Variants in GUCY2D observed in about 807,000 individuals in gnomAD.
The protein encoded by GUCY2D is retinal guanylyl cyclase 1.
A neutral mutation model predicts 101.3 loss-of-function variants in GUCY2D; 70 were observed. The observed-to-expected ratio is 0.69, with a 90% CI of 0.57 to 0.84. The LOEUF (loss-of-function observed/expected upper bound fraction) is 0.84, where lower values mean the gene tolerates loss of function less well. Ranked by LOEUF, GUCY2D falls within the 40% of genes least tolerant of loss-of-function variation. GUCY2D has a pLI of 0.00. For synonymous variants in GUCY2D, 688 were observed against 670.7 expected (o/e 1.03, Z -0.40); for missense variants, 1,460 against 1,542.5 (o/e 0.95, Z 0.90).
chr17:8,015,292 T>G, intron 14 of GUCY2D, 36 bp from the exon 15 acceptor site: 1 of 1,591,686 alleles, frequency 6.3e-7, no homozygotes, highest in Non-Finnish European at 8.5e-7. Context: ...GGGGGAATGC[T>G]CAAAAGAAAA....
At chr17:8,010,650 CA>C (rs1222829202) in intron 8 of GUCY2D, among the ~76,000 whole-genome samples, 2 of 151,094 alleles carry the variant, frequency 1.3e-5, no homozygotes, top group East Asian at 1.9e-4. Context: ...ACTAAAAATA[CA>C]AAAAAAATTA....
At chr17:8,019,267 G>C (rs1451561924) in intron 19 of GUCY2D, among the ~76,000 whole-genome samples, 1 of 151,988 alleles carries the variant, frequency 6.6e-6, no homozygotes, top group East Asian at 1.9e-4. Flanking sequence ...CTCTCTCCCT[G>C]CCTGCAAGGG....
chr17:8,003,535 C>G lies in GUCY2D; in HGVS notation c.488C>G (p.Pro163Arg). ...ACGCAGGCGGAGGGCACCACGGCCC[C>G]TGCCGTGACCCCCGCCGCGGATGCC... ...PWTQAEGTTA[P>R]AVTPAADALY... Residue 163 changes from proline (P) to arginine (R), a missense_variant, in exon 2 of 20, where the codon CCT (proline) becomes CGT (arginine). Around this residue, in one of 3 missense-constraint regions of GUCY2D, gnomAD observed 1,196 missense variants for 1,229.6 expected, o/e 0.97. Transcript: ENST00000254854. The G allele has an allele frequency of 6.5e-7, 1 of 1,546,872 alleles. No individual in the cohort carries two copies. Among genetic ancestry groups the G allele is most frequent in the Non-Finnish European group, 8.7e-7 (1 of 1,153,718 alleles).
chr17:8,014,630 G>C lies in GUCY2D; in HGVS notation c.2442G>C (p.Thr814=), dbSNP rs1426236694. The stretch of plus-strand genomic sequence containing the variant: ...AGAACATCAACAAGGGCCGGAAGAC[G>C]AACATCATTGACTCGATGCTTCGGA... ...LFKNINKGRK[T]NIIDSMLRML... is the part of the protein sequence containing the mutation. Residue 814 remains threonine (T), a synonymous_variant, in exon 13 of 20, where the codon ACG becomes ACC. Coordinates refer to ENST00000254854, the MANE Select transcript of GUCY2D (RefSeq NM_000180.4). This position sits in a 1 kb window ranked among gnomAD's most constrained non-coding sequence, Gnocchi z 4.0. 4 of 1,613,992 alleles carry C rather than the reference G, an allele frequency of 2.5e-6. No homozygotes were observed. Among genetic ancestry groups the C allele is most frequent in the Non-Finnish European group, 3.4e-6 (4 of 1,180,012 alleles).
Position 8,013,601 on chromosome 17 carries a change from C to T in GUCY2D, c.2264-279C>T, listed in dbSNP as rs1276645930. 1.7e-5 allele frequency: 10 copies of T among 579,768 alleles called. No individual in the cohort carries two copies. Among genetic ancestry groups the T allele is most frequent in the Non-Finnish European group, 3.1e-5 (10 of 324,424 alleles). The allele number at this position is 579,768 out of a possible 1,614,324, so 35.9% of individuals were successfully genotyped here. On this transcript the variant is annotated intron_variant, in intron 11 of 19. Coordinates refer to ENST00000254854, the MANE Select transcript of GUCY2D (RefSeq NM_000180.4). The surrounding 1 kb of genome is among the most constrained non-coding windows in gnomAD (Gnocchi z 5.0). Reference sequence around the variant, plus strand: ...TCTGCACAGGACTCTGAGCAAACTACTTGATCACCTATCCCTCACTTGTCT... The same window carrying T: ...TCTGCACAGGACTCTGAGCAAACTATTTGATCACCTATCCCTCACTTGTCT...
intron 14 of GUCY2D, 119 bp downstream of exon 14, chr17:8,015,170 C>T (rs1001190305): frequency 1.2e-5 from 13 of 1,105,948 alleles, no homozygotes; most frequent in Non-Finnish European, 1.3e-5. Flanking sequence ...TCCCAGACCT[C>T]CTGTCCCTTA....
Position 8,002,699 on chromosome 17 carries a change from A to T in GUCY2D, c.-45A>T. On this transcript the variant is annotated 5_prime_UTR_variant, in exon 1 of 20. Transcript: ENST00000254854. The surrounding 1 kb of genome is among the most constrained non-coding windows in gnomAD (Gnocchi z 4.9). ...AGGGGGACCGGCCCTGTGACCCCTC[A>T]CCGGGGGCCGTGGGCCCGAGCCCCC... The T allele has an allele frequency of 8.4e-6, 1 of 119,060 alleles. No homozygotes were observed. 7.4% of individuals were successfully genotyped at this position (119,060 alleles called of 1,614,324 possible). A position where few individuals can be genotyped will look rare whatever the true frequency, so the allele number is the denominator to read the frequency against.
rs888736161 is a variant in GUCY2D, at chr17:8,013,467, C to T, written c.2263+215C>T. ...TTAGGTCCCAGACCACAACAGCTTC[C>T]TCTTTCTTGATGCTGGAACCAAACT... On this transcript the variant is annotated intron_variant, in intron 11 of 19. Transcript: ENST00000254854. This position sits in a 1 kb window ranked among gnomAD's most constrained non-coding sequence, Gnocchi z 5.0. 4 of 608,478 alleles carry T rather than the reference C, an allele frequency of 6.6e-6. No homozygotes were observed. Among genetic ancestry groups the T allele is most frequent in the African/African-American group, 1.8e-5 (1 of 54,320 alleles). 37.7% of individuals were successfully genotyped at this position (608,478 alleles called of 1,614,324 possible). A position where few individuals can be genotyped will look rare whatever the true frequency, so the allele number is the denominator to read the frequency against.
rs777075412 is a variant in GUCY2D at position 8,015,782 on chromosome 17, G to A, written c.2984G>A (p.Arg995Gln). The change falls in exon 16 of 20, where the codon CGG (arginine) becomes CAG (glutamine). Residue 995 changes from arginine (R) to glutamine (Q), a missense_variant. Coordinates refer to ENST00000254854, the MANE Select transcript of GUCY2D (RefSeq NM_000180.4). Reference protein sequence around the residue: ...VAGVVGLTMPRYCLFGDTVNT... With the variant: ...VAGVVGLTMPQYCLFGDTVNT... ...GGCGTGGTGGGCCTCACCATGCCGC[G>A]GTACTGCCTGTTTGGGGACACGGTC... 3 of 1,612,372 alleles carry A rather than the reference G, an allele frequency of 1.9e-6. No homozygotes were observed. Among genetic ancestry groups the A allele is most frequent in the East Asian group, 4.5e-5 (2 of 44,788 alleles).
chr17:8,015,345 C>T lies in GUCY2D; in HGVS notation c.2787C>T (p.Asp929=), dbSNP rs746827007. ...HDVYKVETIG[D]AYMVASGLPQ... ...TCCCCCAGGTGGAGACAATAGGGGA[C>T]GCCTATATGGTGGCCTCGGGGCTGC... is the stretch of plus-strand genomic sequence containing the variant. The change falls in exon 15 of 20, where the codon GAC becomes GAT. Residue 929 remains aspartate, a synonymous_variant. Transcript: ENST00000254854. The T allele has an allele frequency of 6.2e-6, 10 of 1,607,934 alleles. No individual in the cohort carries two copies. In the South Asian group the frequency reaches 1.1e-4, roughly 18 times the overall value.
intron 3 of GUCY2D, among the ~76,000 whole-genome samples, chr17:8,005,824 A>T (rs1191727694): frequency 6.6e-6 from 1 of 152,242 alleles, no homozygotes; most frequent in Admixed American, 6.5e-5. Context: ...AACTGGGAAT[A>T]ATAGAGAAGC....
At chr17:8,005,621 C>T (rs914131668) in intron 3 of GUCY2D, among the ~76,000 whole-genome samples, 1 of 152,238 alleles carries the variant, frequency 6.6e-6, no homozygotes, top group Non-Finnish European at 1.5e-5. Context: ...AGCTCCTTCT[C>T]TGTCCACAGC....
intron 14 of GUCY2D, 116 bp downstream of exon 14, chr17:8,015,167 C>T (rs190283426): frequency 9.1e-7 from 1 of 1,098,734 alleles, no homozygotes; most frequent in Non-Finnish European, 1.4e-6. Flanking sequence ...CTTTCCCAGA[C>T]CTCCTGTCCC....
Position 8,011,130 on chromosome 17 carries a change from G to A in GUCY2D, c.1750-1014G>A, listed in dbSNP as rs1975843820. 1.3e-5 allele frequency among the ~76,000 whole-genome samples: 2 copies of A among 152,160 alleles called. No homozygotes were observed. Among genetic ancestry groups the A allele is most frequent in the Admixed American group, 1.3e-4 (2 of 15,278 alleles). ...ACCGTGGCTCACGCCTGTAATCCCA[G>A]CACTTTGGGAGGCTGAGGTGGATGG... On this transcript the variant is annotated intron_variant, in intron 8 of 19. Transcript: ENST00000254854. The surrounding 1 kb of genome is among the most constrained non-coding windows in gnomAD (Gnocchi z 4.3).
At chr17:8,004,531 C>T (rs539723740) in intron 3 of GUCY2D, among the ~76,000 whole-genome samples, 1 of 152,276 alleles carries the variant, frequency 6.6e-6, no homozygotes, top group African/African-American at 2.4e-5. Context: ...ACCTTCATCC[C>T]TAGTTCAGAG....
chr17:8,012,424 C>T, intron 9 of GUCY2D, 26 bp from the exon 10 acceptor site: 1 of 1,613,642 alleles, frequency 6.2e-7, no homozygotes, highest in Non-Finnish European at 8.5e-7. Context: ...CAGGCTGAGG[C>T]TGCCTCTTAC....
In GUCY2D at chr17:8,003,970, G is replaced by A. The variant is rs370291650; in HGVS notation, c.840G>A (p.Thr280=). Residue 280 remains threonine (T), a synonymous_variant, in exon 3 of 20, where the codon ACG becomes ACA. Coordinates refer to ENST00000254854, the MANE Select transcript of GUCY2D (RefSeq NM_000180.4). The part of the protein sequence containing the change: ...DGSLVFLPFD[T]IHYALSPGPE... ...CCCTGGTCTTCCTGCCCTTCGACAC[G>A]ATCCACTACGCCTTGTCCCCAGGCC... The A allele has an allele frequency of 2.5e-6, 4 of 1,613,602 alleles. No individual in the cohort carries two copies. Among genetic ancestry groups the A allele is most frequent in the Non-Finnish European group, 3.4e-6 (4 of 1,179,920 alleles).
intron 8 of GUCY2D, 21 bp from the exon 9 acceptor site, chr17:8,012,123 A>C: frequency 1.3e-6 from 2 of 1,584,570 alleles, no homozygotes; most frequent in Non-Finnish European, 1.7e-6. Context: ...AGAAAATGCA[A>C]GTCAACTCTC....
chr17:8,006,253 T>G (rs1975734964), intron 3 of GUCY2D, 110 bp from the exon 4 acceptor site: 2 of 813,234 alleles, frequency 2.5e-6, no homozygotes, highest in Non-Finnish European at 4.2e-6. Flanking sequence ...TGGGAACAAC[T>G]AACTGGAAGG....
Sources: gnomAD v4.1 joint callset for allele counts (sites outside exome capture counted in the v4.1 genomes callset) on GRCh38, gnomAD v4.1.1 for gene constraint, gnomAD v4.1.1 regional missense constraint, Gnocchi (gnomAD v3.1) non-coding constraint, MANE v1.5 for transcripts, NCBI Gene and HGNC (gene_info 2026-07-23, HGNC 2026-07-21) for gene names.